KIAA1217: variants seen among roughly 807,000 people sequenced by gnomAD.
The protein encoded by KIAA1217 is KIAA1217.
A neutral mutation model predicts 163.9 loss-of-function variants in KIAA1217; 88 were observed. The observed-to-expected ratio is 0.54, with a 90% confidence interval of 0.45 to 0.64. The LOEUF is 0.64. Ranked by LOEUF, KIAA1217 falls within the 30% of genes least tolerant of loss-of-function variation. The pLI is 0.00. For synonymous variants in KIAA1217, 903 were observed against 923.1 expected, an observed-to-expected ratio of 0.98 and a Z score of 0.39; for missense variants, 2,372 against 2,475.0, an observed-to-expected ratio of 0.96 and a Z score of 0.88.
intron 1 of KIAA1217, among the ~76,000 whole-genome samples, chr10:23,887,284 G>C (rs1393458495): frequency 1.3e-5 from 2 of 151,832 alleles, no homozygotes; most frequent in Non-Finnish European, 2.9e-5. Context: ...AAAAGATATG[G>C]ATGCAAAAAA....
intron 6 of KIAA1217, among the ~76,000 whole-genome samples, chr10:24,479,265 G>A (rs531838900): frequency 6.6e-6 from 1 of 152,148 alleles, no homozygotes; most frequent in African/African-American, 2.4e-5. Context: ...GTAACTTTTA[G>A]GGGTGAGATG....
At chr10:24,430,204 G>A (rs1188806144) in intron 3 of KIAA1217, among the ~76,000 whole-genome samples, 3 of 152,188 alleles carry the variant, frequency 2.0e-5, no homozygotes, top group Admixed American at 2.0e-4. Context: ...CATTCCTAGA[G>A]AGGACCCTCC....
chr10:23,790,936 AC>A (rs1366885552), intron 1 of KIAA1217, among the ~76,000 whole-genome samples: 1 of 151,944 alleles, frequency 6.6e-6, no homozygotes, highest in Non-Finnish European at 1.5e-5. Context: ...GGGTTTTGCC[AC>A]GTTGCCAGGG....
chr10:23,802,575 G>A (rs967025434), intron 1 of KIAA1217, among the ~76,000 whole-genome samples: 9 of 152,112 alleles, frequency 5.9e-5, no homozygotes, highest in African/African-American at 2.2e-4. Context: ...CACCTATCAG[G>A]GTTTTGATTT....
rs7085277 is a variant in KIAA1217, at chr10:24,345,292, G to T, written c.355-35577G>T. On this transcript the variant is annotated intron_variant, in intron 2 of 20. Coordinates refer to ENST00000376454, the MANE Select transcript of KIAA1217 (RefSeq NM_019590.5). ...TAGTGCTTGGCTTGAGTTCCCCTCC[G>T]CATGGAGCACAGAGCTGCCCACTTC... 1.9e-3 allele frequency among the ~76,000 whole-genome samples: 286 copies of T among 152,264 alleles called. 1 individual carries two copies. Among genetic ancestry groups the T allele is most frequent in the African/African-American group, 6.4e-3 (267 of 41,550 alleles).
chr10:24,377,031 C>T (rs1228673847), intron 2 of KIAA1217, among the ~76,000 whole-genome samples: 1 of 152,120 alleles, frequency 6.6e-6, no homozygotes, highest in Non-Finnish European at 1.5e-5. Flanking sequence ...GAGAATATTT[C>T]TATAGGGTCA....
chr10:23,992,911 G>A (rs773637369), intron 1 of KIAA1217, among the ~76,000 whole-genome samples: 1 of 151,668 alleles, frequency 6.6e-6, no homozygotes, highest in Non-Finnish European at 1.5e-5. Flanking sequence ...CCAACACTGC[G>A]GGACAATGGA....
chr10:23,845,397 A>T (rs1018496738), intron 1 of KIAA1217, among the ~76,000 whole-genome samples: 1 of 152,010 alleles, frequency 6.6e-6, no homozygotes. Flanking sequence ...CTTTAGCATC[A>T]GTTGTTTCCT....
At chr10:24,538,632 AAGGAAAAAGAGAG>A (rs2074464204) in intron 17 of KIAA1217, among the ~76,000 whole-genome samples, 3 of 140,330 alleles carry the variant, frequency 2.1e-5, no homozygotes, top group Non-Finnish European at 4.6e-5. Context: ...AAAAGAGAGG[AAGGAAAAAGAGAG>A]GAAGGGAGGG....
Position 23,790,416 on chromosome 10 carries a change from T to TATATAC in KIAA1217, c.-321+95188_-321+95193dup, listed in dbSNP as rs1436088531. Among the ~76,000 whole-genome samples, 33 of 79,922 alleles carry TATATAC rather than the reference T, an allele frequency of 4.1e-4. 4 individuals are homozygous for TATATAC. Among genetic ancestry groups the TATATAC allele is most frequent in the Admixed American group, 6.8e-4 (5 of 7,344 alleles). 52.4% of individuals were successfully genotyped at this position (79,922 alleles called of 152,430 possible). ...GTATATATACATATATACATATACA[T>TATATAC]ATATACATATATACATATACATATA... On this transcript the variant is annotated intron_variant, in intron 1 of 18. Coordinates refer to the KIAA1217 transcript ENST00000376462.
Position 24,255,634 on chromosome 10 carries a change from C to A in KIAA1217, c.354+35725C>A, listed in dbSNP as rs368119910. 15 of 427,694 alleles carry A rather than the reference C, an allele frequency of 3.5e-5. No individual in the cohort carries two copies. The East Asian group carries it at 7.5e-4, about 21-fold the overall frequency. The allele number at this position is 427,694 out of a possible 1,614,324, so 26.5% of individuals were successfully genotyped here. A position where few individuals can be genotyped will look rare whatever the true frequency, so the allele number is the denominator to read the frequency against. ...CCTGATTCTGGGGTTTCCCTGCCCCCCCTGGGGTCCCTAAACTGCTGTGTG... is the reference window on the plus strand; with the variant it reads ...CCTGATTCTGGGGTTTCCCTGCCCCACCTGGGGTCCCTAAACTGCTGTGTG... On this transcript the variant is annotated intron_variant, in intron 2 of 20. Transcript: ENST00000376454.
At chr10:24,350,384 A>G (rs1025350628) in intron 2 of KIAA1217, among the ~76,000 whole-genome samples, 1 of 152,170 alleles carries the variant, frequency 6.6e-6, no homozygotes, top group Non-Finnish European at 1.5e-5. Context: ...GAACTACCCA[A>G]AGGAAAGTTA....
chr10:24,050,281 T>C (rs1288515412), intron 2 of KIAA1217, among the ~76,000 whole-genome samples: 2 of 152,212 alleles, frequency 1.3e-5, no homozygotes, highest in Non-Finnish European at 2.9e-5. Context: ...TGATAGTTTC[T>C]TTTGCTGTGC....
intron 1 of KIAA1217, among the ~76,000 whole-genome samples, chr10:23,830,821 T>TAC (rs139183459): frequency 0.25 from 36,567 of 147,334 alleles, 4,405 homozygotes; most frequent in Middle Eastern, 0.3. Context: ...GATATATGTG[T>TAC]ACACACACAC....
At chr10:24,194,024 T>C (rs2066860292) in intron 2 of KIAA1217, among the ~76,000 whole-genome samples, 1 of 151,814 alleles carries the variant, frequency 6.6e-6, no homozygotes, top group Non-Finnish European at 1.5e-5. Flanking sequence ...CCATCTCTAC[T>C]AAAAATACAA....
Position 24,528,089 on chromosome 10 carries a change from G to T in KIAA1217, c.3052G>T (p.Asp1018Tyr). 1 of 1,614,076 alleles carries T rather than the reference G, an allele frequency of 6.2e-7. No individual in the cohort carries two copies. Among genetic ancestry groups the T allele is most frequent in the South Asian group, 1.1e-5 (1 of 91,066 alleles). Residue 1018 changes from aspartate (D) to tyrosine (Y), a missense_variant, in exon 14 of 21, where the codon GAT becomes TAT. By Grantham distance (160) the Asp-to-Tyr change is radical. This residue lies in a region of KIAA1217 where 1,431 missense variants were observed against 1,470.3 expected (regional missense o/e 0.97). Transcript: ENST00000376454. The part of the protein sequence containing the change: ...PPATGPLPRG[D>Y]APVDKVELSE... ...AGCCACAGGCCCACTGCCAAGGGGA[G>T]ATGCCCCAGTGGACAAGGTGGAACT...
chr10:24,294,212 AAG>A lies in KIAA1217; in HGVS notation c.354+74305_354+74306del, dbSNP rs1554799216. ...CAAAAAAAAAAAAAAAAAAAAAAAAAAGAAATAGTTCCTTTCCACGTGGAGTG... is the reference window on the plus strand; with the variant it reads ...CAAAAAAAAAAAAAAAAAAAAAAAAAAAATAGTTCCTTTCCACGTGGAGTG... On this transcript the variant is annotated intron_variant, in intron 2 of 20. Coordinates refer to ENST00000376454, the MANE Select transcript of KIAA1217 (RefSeq NM_019590.5). 1.7e-3 allele frequency among the ~76,000 whole-genome samples: 255 copies of A among 150,912 alleles called. 1 individual carries two copies. Among genetic ancestry groups the A allele is most frequent in the Non-Finnish European group, 2.5e-3 (172 of 67,688 alleles).
At chr10:24,126,034 A>G (rs913798734) in intron 2 of KIAA1217, among the ~76,000 whole-genome samples, 2 of 152,106 alleles carry the variant, frequency 1.3e-5, no homozygotes, top group Admixed American at 1.3e-4. Context: ...ATCTATACTA[A>G]TCTTCATTCC....
chr10:24,319,761 T>C (rs552722137), intron 2 of KIAA1217, among the ~76,000 whole-genome samples: 2 of 152,338 alleles, frequency 1.3e-5, no homozygotes, highest in East Asian at 3.9e-4. Flanking sequence ...AGCTTTTCAC[T>C]GGTGGGGTGT....
Sources: allele counts gnomAD v4.1 joint callset (sites outside exome capture counted in the v4.1 genomes callset), GRCh38; gene constraint gnomAD v4.1.1; regional missense constraint gnomAD v4.1.1; transcripts MANE v1.5; gene names NCBI Gene and HGNC (gene_info 2026-07-23, HGNC 2026-07-21).